Variants in MRPS28 observed in about 807,000 individuals in gnomAD.
The protein encoded by MRPS28 is small ribosomal subunit protein bS1m.
A neutral mutation model predicts 10.8 loss-of-function variants in MRPS28; 7 were observed. The ratio of observed to expected loss-of-function variants is 0.65; its 90% CI spans 0.37 to 1.22. MRPS28 has a LOEUF of 1.22. MRPS28 is among the 50% of genes most tolerant of loss of function. MRPS28 has a pLI of 0.02. For synonymous variants in MRPS28, 121 were observed against 93.3 expected, an observed-to-expected ratio of 1.30 and a Z score of -1.71; for missense variants, 265 against 232.9, an observed-to-expected ratio of 1.14 and a Z score of -0.90.
At chr8:80,014,634 T>C (rs1809147522) in intron 1 of MRPS28, among the ~76,000 whole-genome samples, 1 of 152,232 alleles carries the variant, frequency 6.6e-6, no homozygotes, top group South Asian at 2.1e-4. Flanking sequence ...CTATCTATTT[T>C]ACAAGATTGT....
At chr8:79,970,142 A>T (rs1807595449) in intron 2 of MRPS28, among the ~76,000 whole-genome samples, 1 of 152,150 alleles carries the variant, frequency 6.6e-6, no homozygotes. Flanking sequence ...TCCACCTGCA[A>T]ATTATCACCA....
At chr8:79,995,876 G>A (rs1808489651) in intron 2 of MRPS28, among the ~76,000 whole-genome samples, 1 of 152,166 alleles carries the variant, frequency 6.6e-6, no homozygotes, top group Non-Finnish European at 1.5e-5. Flanking sequence ...CATACTGGAA[G>A]AGGAAAATTA....
Position 79,989,563 on chromosome 8 carries a change from T to C in MRPS28, c.395+13436A>G, listed in dbSNP as rs369255158. Among the ~76,000 whole-genome samples, 7 of 152,378 alleles carry C rather than the reference T, an allele frequency of 4.6e-5. No homozygotes were observed. In the East Asian group the frequency reaches 7.7e-4, roughly 17 times the overall value. ...TTTTCTAAAAGGATCCTGTTATTTT[T>C]ACATTTGCATTTCACTTTTAGAAAT... On this transcript the variant is annotated intron_variant, in intron 2 of 2. Coordinates refer to ENST00000276585, the MANE Select transcript of MRPS28 (RefSeq NM_014018.3).
At chr8:79,928,287 C>T (rs771534146) in intron 2 of MRPS28, among the ~76,000 whole-genome samples, 12 of 152,154 alleles carry the variant, frequency 7.9e-5, no homozygotes, top group South Asian at 2.1e-4. Context: ...GCCATGATCA[C>T]GCCACTGCTC....
At chr8:79,928,596 C>T (rs1479925163) in intron 2 of MRPS28, among the ~76,000 whole-genome samples, 2 of 151,856 alleles carry the variant, frequency 1.3e-5, no homozygotes, top group Non-Finnish European at 2.9e-5. Context: ...TGTGCTACCA[C>T]ACCTGGCTAA....
intron 2 of MRPS28, among the ~76,000 whole-genome samples, chr8:80,000,953 C>T (rs1242060880): frequency 6.6e-6 from 1 of 152,018 alleles, no homozygotes; most frequent in African/African-American, 2.4e-5. Context: ...ACAGTGCCGA[C>T]AAAAGAATAT....
Position 79,919,018 on chromosome 8 carries a change from T to C in MRPS28, c.526A>G (p.Lys176Glu), listed in dbSNP as rs1271168621. ...NAVLLGIQESKDSRSKEEHHE... is the reference protein window; with the variant it reads ...NAVLLGIQESEDSRSKEEHHE... Reference sequence around the variant, plus strand: ...TGTTCTTCTTTCGATCTTGAGTCTTTACTCTCCTGGATTCCCAAGAGAACT... The same window carrying C: ...TGTTCTTCTTTCGATCTTGAGTCTTCACTCTCCTGGATTCCCAAGAGAACT... The change falls in exon 3 of 3, where the codon AAA becomes GAA. Residue 176 changes from lysine (K) to glutamate (E), a missense_variant. Physicochemically the swap from Lys to Glu is moderately conservative, Grantham distance 56 (BLOSUM62 1). Transcript: ENST00000276585. 35 of 1,583,944 alleles carry C rather than the reference T, an allele frequency of 2.2e-5. No individual in the cohort carries two copies. The highest frequency in any genetic ancestry group is 2.7e-5 in the Non-Finnish European group (32 of 1,168,740).
intron 2 of MRPS28, among the ~76,000 whole-genome samples, chr8:79,922,291 T>G (rs1810115496): frequency 6.6e-6 from 1 of 152,108 alleles, no homozygotes; most frequent in Non-Finnish European, 1.5e-5. Context: ...TCTAAAAAAG[T>G]TGAACACCTT....
intron 2 of MRPS28, among the ~76,000 whole-genome samples, chr8:79,928,607 T>C (rs1482314903): frequency 6.6e-6 from 1 of 151,818 alleles, no homozygotes; most frequent in African/African-American, 2.4e-5. Context: ...ACCTGGCTAA[T>C]TTTTTGTATT....
chr8:79,992,151 T>C (rs946985962), intron 2 of MRPS28, among the ~76,000 whole-genome samples: 2 of 152,214 alleles, frequency 1.3e-5, no homozygotes, highest in Admixed American at 6.5e-5. Context: ...CAGCCCTGGC[T>C]AATATCTTGA....
At chr8:79,921,801 C>T (rs1810102333) in intron 2 of MRPS28, among the ~76,000 whole-genome samples, 1 of 152,096 alleles carries the variant, frequency 6.6e-6, no homozygotes, top group African/African-American at 2.4e-5. Flanking sequence ...TTGCCCTGGC[C>T]AGAACTTCCA....
At chr8:80,017,780 CAAGAA>C (rs552710087) in intron 1 of MRPS28, among the ~76,000 whole-genome samples, 74 of 152,180 alleles carry the variant, frequency 4.9e-4, no homozygotes, top group Middle Eastern at 3.4e-3. Flanking sequence ...AAAGACATTA[CAAGAA>C]AAGAAAACTA....
chr8:79,953,645 T>C, intron 2 of MRPS28, among the ~76,000 whole-genome samples: 1 of 152,326 alleles, frequency 6.6e-6, no homozygotes, highest in Admixed American at 6.5e-5. Context: ...TTCTACACTT[T>C]GGGATACGTA....
chr8:79,987,805 AG>A (rs1242728899), intron 2 of MRPS28, among the ~76,000 whole-genome samples: 1 of 152,230 alleles, frequency 6.6e-6, no homozygotes, highest in African/African-American at 2.4e-5. Flanking sequence ...GTGGAGAAAT[AG>A]GAACACTTTT....
chr8:79,974,008 G>A (rs1258238676), intron 2 of MRPS28, among the ~76,000 whole-genome samples: 3 of 152,070 alleles, frequency 2.0e-5, no homozygotes, highest in Non-Finnish European at 4.4e-5. Context: ...GCCTCACAAA[G>A]TGTTGGGATT....
rs549136480 is a variant in MRPS28, at chr8:79,926,493, G to A, written c.396-7345C>T. On this transcript the variant is annotated intron_variant, in intron 2 of 2. Coordinates refer to ENST00000276585, the MANE Select transcript of MRPS28 (RefSeq NM_014018.3). ...CATAATAAATACACAATAAATAGGA[G>A]CTTACATAATTCACCACATCAATAC... Among the ~76,000 whole-genome samples, 37 of 152,302 alleles carry A rather than the reference G, an allele frequency of 2.4e-4. No homozygotes were observed. The South Asian group carries it at 2.9e-3, about 12-fold the overall frequency.
At chr8:79,936,110 G>GTC (rs1490551235) in intron 2 of MRPS28, among the ~76,000 whole-genome samples, 2 of 151,940 alleles carry the variant, frequency 1.3e-5, no homozygotes, top group African/African-American at 4.8e-5. Context: ...ACTTTAGGAG[G>GTC]TCAAGGTGGG....
intron 2 of MRPS28, among the ~76,000 whole-genome samples, chr8:79,953,205 T>C (rs1284841224): frequency 6.6e-6 from 1 of 151,838 alleles, no homozygotes; most frequent in Non-Finnish European, 1.5e-5. Flanking sequence ...AAAAATACAA[T>C]GCCACTCCAG....
intron 2 of MRPS28, among the ~76,000 whole-genome samples, chr8:79,952,908 TA>T (rs1423145286): frequency 3.9e-5 from 6 of 152,218 alleles, no homozygotes; most frequent in Admixed American, 3.3e-4. Flanking sequence ...GGGAAAATCA[TA>T]ATCTCTTGCA....
Sources: gnomAD v4.1 joint callset for allele counts (sites outside exome capture counted in the v4.1 genomes callset) on GRCh38, gnomAD v4.1.1 for gene constraint, MANE v1.5 for transcripts, NCBI Gene and HGNC (gene_info 2026-07-23, HGNC 2026-07-21) for gene names.